Variants in CAPN15 observed in about 807,000 individuals in gnomAD.
CAPN15 encodes the protein calpain 15, also known as calpain-15.
CAPN15 carries 53 observed loss-of-function variants against 97.9 expected under a neutral mutation model. The observed-to-expected ratio is 0.54, with a 90% CI of 0.43 to 0.68. The LOEUF (loss-of-function observed/expected upper bound fraction) is 0.68, where lower values mean the gene tolerates loss of function less well. Ranked by LOEUF, CAPN15 falls within the 30% of genes least tolerant of loss-of-function variation. CAPN15 has a pLI of 0.00. For synonymous variants in CAPN15, 922 were observed against 722.5 expected, an observed-to-expected ratio of 1.28 and a Z score of -4.43; for missense variants, 1,592 against 1,589.8, an observed-to-expected ratio of 1.00 and a Z score of -0.02.
chr16:529,368 C>T (rs1029433896), intron 1 of CAPN15, among the ~76,000 whole-genome samples: 2 of 152,156 alleles, frequency 1.3e-5, no homozygotes, highest in African/African-American at 2.4e-5. Flanking sequence ...GCTCTCTCTC[C>T]GGGCACCCCT....
rs2033646671 is a variant in CAPN15 at position 535,605 on chromosome 16, G to A, written c.-136-424G>A. 1.3e-5 allele frequency among the ~76,000 whole-genome samples: 2 copies of A among 150,462 alleles called. No homozygotes were observed. The highest frequency in any genetic ancestry group is 2.1e-4 in the South Asian group (1 of 4,832). On this transcript the variant is annotated intron_variant, in intron 2 of 13. Transcript: ENST00000219611. The surrounding 1 kb of genome is among the most constrained non-coding windows in gnomAD (Gnocchi z 6.2). ...CGGGGAGCTGCACAGTTGGACTTGT[G>A]GGGGTCAGGCATGGATCCACACAGC...
At position 549,790 on chromosome 16, in the gene CAPN15, T is replaced by C. The variant is rs773810140; in HGVS notation, c.2018T>C (p.Val673Ala). Residue 673 changes from valine (V) to alanine (A), a missense_variant, in exon 7 of 14, where the codon GTT becomes GCT. Coordinates refer to ENST00000219611, the MANE Select transcript of CAPN15 (RefSeq NM_005632.3). Reference protein sequence around the residue: ...LSSTNPREEPVDTDLIWAKML... With the variant: ...LSSTNPREEPADTDLIWAKML... Reference sequence around the variant, plus strand: ...TCCACTAACCCCCGCGAGGAGCCCGTTGACACTGACCTCATCTGGGCCAAA... The same window carrying C: ...TCCACTAACCCCCGCGAGGAGCCCGCTGACACTGACCTCATCTGGGCCAAA... 13 of 1,592,170 alleles carry C rather than the reference T, an allele frequency of 8.2e-6. No individual in the cohort carries two copies. Among genetic ancestry groups the C allele is most frequent in the Non-Finnish European group, 8.6e-6 (10 of 1,169,384 alleles).
rs200924780 is a variant in CAPN15, at chr16:547,412, G to A, written c.574G>A (p.Gly192Ser). The A allele has an allele frequency of 4.5e-4, 704 of 1,571,736 alleles. No individual in the cohort carries two copies. The African/African-American group carries it at 8.2e-3, about 18-fold the overall frequency. The change falls in exon 4 of 14, where the codon GGC becomes AGC. Residue 192 changes from glycine (G) to serine (S), a missense_variant. Physicochemically the swap from Gly to Ser is moderately conservative, Grantham distance 56. This residue lies in a region of CAPN15 where 883 missense variants were observed against 776.6 expected (regional missense o/e 1.14). Coordinates refer to ENST00000219611, the MANE Select transcript of CAPN15 (RefSeq NM_005632.3). Reference sequence around the variant, plus strand: ...GGTCCCGGAAGTGGTGGCCCCGGCCGGCTTCCACGTCGTGCCTGCCGCGCC... The same window carrying A: ...GGTCCCGGAAGTGGTGGCCCCGGCCAGCTTCCACGTCGTGCCTGCCGCGCC... Reference protein sequence around the residue: ...LVVPEVVAPAGFHVVPAAPPP... With the variant: ...LVVPEVVAPASFHVVPAAPPP...
In CAPN15 at chr16:551,179, G is replaced by A. The variant is rs148810091; in HGVS notation, c.2067-123G>A. The A allele has an allele frequency of 6.1e-5, 77 of 1,269,876 alleles. 3 individuals are homozygous for A. In the African/African-American group the frequency reaches 1.2e-3, roughly 20 times the overall value. 78.7% of individuals were successfully genotyped at this position (1,269,876 alleles called of 1,614,324 possible). On this transcript the variant is annotated intron_variant, in intron 7 of 13. Coordinates refer to ENST00000219611, the MANE Select transcript of CAPN15 (RefSeq NM_005632.3). ...CGCCCCGTCGGTGAGGGTCCCGGTCGGTGAGGGCCCCGGTCGGTGAGGGTC... is the reference window on the plus strand; with the variant it reads ...CGCCCCGTCGGTGAGGGTCCCGGTCAGTGAGGGCCCCGGTCGGTGAGGGTC...
rs763878383 is a variant in CAPN15 at position 547,921 on chromosome 16, G to A, written c.1083G>A (p.Ser361=). 86 of 1,606,592 alleles carry A rather than the reference G, an allele frequency of 5.4e-5. No individual in the cohort carries two copies. In the South Asian group the frequency reaches 5.7e-4, roughly 11 times the overall value. ...ACCCCACAGTGGCCCCCAGGTGCTC[G>A]GCCTGCGGCTGCTCCAAACTGCACG... ...LRNPTVAPRC[S]ACGCSKLHGF... Residue 361 remains serine (S), a synonymous_variant, in exon 4 of 14, where the codon TCG becomes TCA. Transcript: ENST00000219611.
At chr16:528,855 C>T (rs1046973690) in intron 1 of CAPN15, 13 of 756,836 alleles carry the variant, frequency 1.7e-5, no homozygotes, top group Non-Finnish European at 2.1e-5. Context: ...ACCCGGATCT[C>T]TTCCTCTGCC....
At chr16:534,913 G>A (rs1439798036) in intron 2 of CAPN15, among the ~76,000 whole-genome samples, 2 of 152,324 alleles carry the variant, frequency 1.3e-5, no homozygotes, top group Admixed American at 1.3e-4. Flanking sequence ...GTAGGGCCCA[G>A]GAGCAGGTGC....
At chr16:543,590 C>T (rs2034309309) in intron 3 of CAPN15, among the ~76,000 whole-genome samples, 1 of 152,154 alleles carries the variant, frequency 6.6e-6, no homozygotes, top group African/African-American at 2.4e-5. Flanking sequence ...TGCTGTGGGG[C>T]CTGGGCTCCA....
At chr16:531,873 C>T in intron 1 of CAPN15, among the ~76,000 whole-genome samples, 1 of 152,200 alleles carries the variant, frequency 6.6e-6, no homozygotes, top group East Asian at 1.9e-4. Flanking sequence ...GCTTCTGCCA[C>T]CACATGGCAA....
At chr16:537,393 G>T (rs2033807602) in intron 3 of CAPN15, 3 of 985,624 alleles carry the variant, frequency 3.0e-6, no homozygotes, top group Non-Finnish European at 3.6e-6. Context: ...CCTGGTAGGA[G>T]CCTGTGTTTC....
chr16:530,227 T>C (rs1041532920), intron 1 of CAPN15, among the ~76,000 whole-genome samples: 3 of 152,236 alleles, frequency 2.0e-5, no homozygotes, highest in African/African-American at 7.2e-5. Context: ...CTGCAGCACT[T>C]ACACTTGGGA....
At chr16:533,734 C>T (rs1015482454) in intron 1 of CAPN15, among the ~76,000 whole-genome samples, 4 of 152,146 alleles carry the variant, frequency 2.6e-5, no homozygotes, top group Non-Finnish European at 4.4e-5. Flanking sequence ...GAGGAGCCTG[C>T]TGAGCCCCTG....
At chr16:533,663 G>A (rs1322544132) in intron 1 of CAPN15, among the ~76,000 whole-genome samples, 5 of 152,198 alleles carry the variant, frequency 3.3e-5, no homozygotes, top group African/African-American at 7.2e-5. Flanking sequence ...CCCTGTCTGC[G>A]GTCCTGGCTG....
At chr16:553,094 C>A in intron 13 of CAPN15, 53 bp downstream of exon 13, 1 of 1,044,708 alleles carries the variant, frequency 9.6e-7, no homozygotes, top group Non-Finnish European at 1.3e-6. Flanking sequence ...CCTCCCCTAC[C>A]CCGCTGCACC....
At chr16:529,576 G>A (rs913888483) in intron 1 of CAPN15, among the ~76,000 whole-genome samples, 1 of 152,202 alleles carries the variant, frequency 6.6e-6, no homozygotes, top group South Asian at 2.1e-4. Flanking sequence ...AAAATCCTCC[G>A]GAACCACAGG....
In CAPN15 at chr16:551,398, C is replaced by T. The variant is rs1263565373; in HGVS notation, c.2163C>T (p.Ile721=). Residue 721 remains isoleucine (I), a synonymous_variant, in exon 8 of 14, where the codon ATC becomes ATT. Transcript: ENST00000219611. ...TGCGCCCCCGGCATGCCTACTCCAT[C>T]CTGGATGTCCGAGATGTCCAGGGCA... ...LGLRPRHAYS[I]LDVRDVQGTR... is the part of the protein sequence containing the mutation. 21 of 1,609,866 alleles carry T rather than the reference C, an allele frequency of 1.3e-5. No homozygotes were observed. Among genetic ancestry groups the T allele is most frequent in the Non-Finnish European group, 1.8e-5 (21 of 1,178,232 alleles).
chr16:548,871 T>A, intron 4 of CAPN15, 122 bp from the exon 5 acceptor site: 1 of 915,704 alleles, frequency 1.1e-6, no homozygotes, highest in Non-Finnish European at 1.7e-6. Context: ...CTGTCCACGC[T>A]CCACCCGTCC....
chr16:528,577 A>AGTTGCAAATCTGCTGTCCTCC (rs1184840954), intron 1 of CAPN15, among the ~76,000 whole-genome samples: 1 of 152,134 alleles, frequency 6.6e-6, no homozygotes, highest in African/African-American at 2.4e-5. Context: ...CCAGCTGGGA[A>AGTTGCAAATCTGCTGTCCTCC]GTTGCAAATC....
chr16:550,992 C>T (rs2035003316), intron 7 of CAPN15, among the ~76,000 whole-genome samples: 1 of 90,042 alleles, frequency 1.1e-5, no homozygotes, highest in Non-Finnish European at 2.3e-5. Flanking sequence ...TGGTGAGGGT[C>T]CCGGTCGGTG....
Sources: gnomAD v4.1 joint callset for allele counts (sites outside exome capture counted in the v4.1 genomes callset) on GRCh38, gnomAD v4.1.1 for gene constraint, gnomAD v4.1.1 regional missense constraint, Gnocchi (gnomAD v3.1) non-coding constraint, MANE v1.5 for transcripts, NCBI Gene and HGNC (gene_info 2026-07-23, HGNC 2026-07-21) for gene names.